The following SGMS1 variants were observed in gnomAD, a reference collection of about 807,000 sequenced individuals.
SGMS1 encodes the protein sphingomyelin synthase 1.
In SGMS1, 13 loss-of-function variants were observed where a neutral mutation model predicts 46.2. That is an observed-to-expected ratio of 0.28 (90% CI 0.18 to 0.45). SGMS1 has a LOEUF of 0.45. Among genes scored for constraint, SGMS1 ranks in the 20% least tolerant of loss-of-function variants. SGMS1 has a pLI of 1.00. For synonymous variants in SGMS1, 203 were observed against 187.8 expected, an observed-to-expected ratio of 1.08 and a Z score of -0.66; for missense variants, 324 against 519.9, an observed-to-expected ratio of 0.62 and a Z score of 3.66.
At chr10:50,485,933 AG>A (rs1837517623) in intron 3 of SGMS1, among the ~76,000 whole-genome samples, 1 of 152,112 alleles carries the variant, frequency 6.6e-6, no homozygotes, top group East Asian at 1.9e-4. Flanking sequence ...ACAAAGCTAG[AG>A]GCATCACACT....
At chr10:50,434,042 A>G (rs996716265) in intron 5 of SGMS1, among the ~76,000 whole-genome samples, 1 of 152,216 alleles carries the variant, frequency 6.6e-6, no homozygotes, top group African/African-American at 2.4e-5. Context: ...AAGGCATTAT[A>G]CCAGAACTAT....
At chr10:50,622,407 C>A (rs1838861032) in intron 1 of SGMS1, among the ~76,000 whole-genome samples, 1 of 152,182 alleles carries the variant, frequency 6.6e-6, no homozygotes, top group Admixed American at 6.5e-5. Context: ...AATGTTTCAA[C>A]CCCCAGTGCC....
intron 6 of SGMS1, among the ~76,000 whole-genome samples, chr10:50,403,618 A>G (rs1418698205): frequency 6.6e-6 from 1 of 151,952 alleles, no homozygotes; most frequent in Non-Finnish European, 1.5e-5. Context: ...CCTGGCTACC[A>G]GGAATGATCT....
At chr10:50,343,463 T>C (rs746209529) in intron 7 of SGMS1, 29 bp downstream of exon 7, 20 of 1,543,348 alleles carry the variant, frequency 1.3e-5, no homozygotes, top group African/African-American at 4.1e-5. Flanking sequence ...CCCATAATCA[T>C]TGAATCTTAG....
chr10:50,431,780 G>A (rs899597131), intron 6 of SGMS1, among the ~76,000 whole-genome samples: 1 of 152,136 alleles, frequency 6.6e-6, no homozygotes, highest in Non-Finnish European at 1.5e-5. Flanking sequence ...ACTACCTGAA[G>A]GAATTTAAGA....
In SGMS1 at chr10:50,433,494, C is replaced by A. The variant is rs1322599635; in HGVS notation, c.-250G>T. On this transcript the variant is annotated 5_prime_UTR_variant, in exon 6 of 11. Coordinates refer to ENST00000361781, the MANE Select transcript of SGMS1 (RefSeq NM_147156.4). ...AACTTACGGATTATTTAAAAACATT[C>A]TGGTCATCTTGGCTTCCTATAAGCT... is the stretch of plus-strand genomic sequence containing the variant. 1.3e-5 allele frequency: 2 copies of A among 152,314 alleles called. No individual in the cohort carries two copies. Among genetic ancestry groups the A allele is most frequent in the Non-Finnish European group, 2.9e-5 (2 of 68,028 alleles). 9.4% of individuals were successfully genotyped at this position (152,314 alleles called of 1,614,324 possible). A position where few individuals can be genotyped will look rare whatever the true frequency, so the allele number is the denominator to read the frequency against.
At chr10:50,441,836 C>T (rs1849550210) in intron 5 of SGMS1, among the ~76,000 whole-genome samples, 1 of 152,124 alleles carries the variant, frequency 6.6e-6, no homozygotes, top group African/African-American at 2.4e-5. Flanking sequence ...ACATTATCTT[C>T]CCAGTCTGTC....
chr10:50,389,498 CAA>C (rs1057374430), intron 6 of SGMS1, among the ~76,000 whole-genome samples: 3 of 152,192 alleles, frequency 2.0e-5, no homozygotes, highest in African/African-American at 7.2e-5. Flanking sequence ...GCCATCAAAT[CAA>C]AGTGTTTTAC....
rs555035168 is a variant in SGMS1 at position 50,306,170 on chromosome 10, T to A, written c.*972A>T. 6.5e-6 allele frequency: 1 copy of A among 152,788 alleles called. No individual in the cohort carries two copies. The highest frequency in any genetic ancestry group is 2.4e-5 in the African/African-American group (1 of 41,578). The allele number at this position is 152,788 out of a possible 1,614,324, so 9.5% of individuals were successfully genotyped here. A position where few individuals can be genotyped will look rare whatever the true frequency, so the allele number is the denominator to read the frequency against. On this transcript the variant is annotated 3_prime_UTR_variant, in exon 11 of 11. Coordinates refer to ENST00000361781, the MANE Select transcript of SGMS1 (RefSeq NM_147156.4). ...ACGATAAAATAATTTAAGTGGTACA[T>A]GTCATTGCTACCTGATCACAATATG...
intron 3 of SGMS1, among the ~76,000 whole-genome samples, chr10:50,488,564 A>G (rs1336241387): frequency 1.3e-5 from 2 of 152,210 alleles, no homozygotes; most frequent in Non-Finnish European, 2.9e-5. Flanking sequence ...TAACATCAGT[A>G]TAGGTGTCTA....
intron 5 of SGMS1, among the ~76,000 whole-genome samples, chr10:50,453,884 A>AG (rs1837154523): frequency 7.3e-6 from 1 of 137,322 alleles, no homozygotes; most frequent in African/African-American, 2.8e-5. Flanking sequence ...GAAGGAAGGG[A>AG]GAAAGGGAGA....
chr10:50,544,333 A>G (rs1293590076), intron 2 of SGMS1, among the ~76,000 whole-genome samples: 2 of 152,224 alleles, frequency 1.3e-5, no homozygotes, highest in African/African-American at 4.8e-5. Flanking sequence ...AACCTCTTAC[A>G]GACACCATGA....
At chr10:50,441,646 A>T (rs1365322782) in intron 5 of SGMS1, among the ~76,000 whole-genome samples, 1 of 152,274 alleles carries the variant, frequency 6.6e-6, no homozygotes, top group Non-Finnish European at 1.5e-5. Flanking sequence ...ATCTTAAAGG[A>T]CAAGGCTATT....
At chr10:50,552,129 G>A (rs1838154241) in intron 2 of SGMS1, among the ~76,000 whole-genome samples, 1 of 152,180 alleles carries the variant, frequency 6.6e-6, no homozygotes, top group South Asian at 2.1e-4. Context: ...GCCAATCCTT[G>A]GTCTAGAGAA....
chr10:50,499,112 T>C (rs967812272), intron 3 of SGMS1, among the ~76,000 whole-genome samples: 7 of 152,234 alleles, frequency 4.6e-5, no homozygotes, highest in Non-Finnish European at 1.0e-4. Flanking sequence ...CTGATTTTCA[T>C]GAGTATGCTA....
chr10:50,607,057 C>A (rs1377458007), intron 1 of SGMS1, among the ~76,000 whole-genome samples: 1 of 151,500 alleles, frequency 6.6e-6, no homozygotes, highest in African/African-American at 2.4e-5. Context: ...CAGCTCGCTG[C>A]AGTCTCAACT....
chr10:50,560,317 T>C (rs1171843827), intron 2 of SGMS1, among the ~76,000 whole-genome samples: 10 of 138,850 alleles, frequency 7.2e-5, no homozygotes, highest in Non-Finnish European at 6.0e-5. Flanking sequence ...TTACATATTA[T>C]TAATATTATA....
chr10:50,311,422 G>A lies in SGMS1; in HGVS notation c.742-7C>T. On this transcript the variant is annotated splice_polypyrimidine_tract_variant and splice_region_variant and intron_variant, in intron 8 of 10. Coordinates refer to ENST00000361781, the MANE Select transcript of SGMS1 (RefSeq NM_147156.4). Reference sequence around the variant, plus strand: ...CTTCCCAGTCTCCGAAAAGCTGGCAGAAAAAAAGAAAAGAAGAAAAAGAAG... The same window carrying A: ...CTTCCCAGTCTCCGAAAAGCTGGCAAAAAAAAAGAAAAGAAGAAAAAGAAG... 6.2e-7 allele frequency: 1 copy of A among 1,609,194 alleles called. No homozygotes were observed. Among genetic ancestry groups the A allele is most frequent in the Non-Finnish European group, 8.5e-7 (1 of 1,178,450 alleles).
chr10:50,486,785 T>C (rs999433850), intron 3 of SGMS1, among the ~76,000 whole-genome samples: 1 of 152,204 alleles, frequency 6.6e-6, no homozygotes, highest in African/African-American at 2.4e-5. Context: ...GAAATACCAT[T>C]TGACCAACAA....
Sources: gnomAD v4.1 joint callset for allele counts (sites outside exome capture counted in the v4.1 genomes callset) on GRCh38, gnomAD v4.1.1 for gene constraint, MANE v1.5 for transcripts, NCBI Gene and HGNC (gene_info 2026-07-23, HGNC 2026-07-21) for gene names.